Variants in KAT2B observed in about 807,000 individuals in gnomAD.
The protein encoded by KAT2B is histone acetyltransferase KAT2B.
In KAT2B, 36 loss-of-function variants were observed where a neutral mutation model predicts 105.9. The ratio of observed to expected loss-of-function variants is 0.34; its 90% CI spans 0.26 to 0.45. The LOEUF (loss-of-function observed/expected upper bound fraction) is 0.45. Ranked by LOEUF, KAT2B falls within the 20% of genes least tolerant of loss-of-function variation. The probability of loss-of-function intolerance (pLI) is 1.00; values close to 1 mark genes in which losing one functional copy is unlikely to be tolerated. For missense variants in KAT2B, 820 were observed against 1,021.6 expected (o/e 0.80, Z 2.69); for synonymous variants, 397 against 377.9 (o/e 1.05, Z -0.59).
intron 7 of KAT2B, among the ~76,000 whole-genome samples, chr3:20,117,059 C>T (rs1352357043): frequency 6.6e-6 from 1 of 152,078 alleles, no homozygotes; most frequent in African/African-American, 2.4e-5. Flanking sequence ...ACATAGTTCT[C>T]CTGTGGTGGG....
At chr3:20,095,145 A>G in intron 2 of KAT2B, 118 bp from the exon 3 acceptor site, 1 of 748,608 alleles carries the variant, frequency 1.3e-6, no homozygotes, top group Non-Finnish European at 2.2e-6. Context: ...TTCTCTTATT[A>G]CCAGTGAACT....
chr3:20,051,729 A>G (rs1400862066), intron 1 of KAT2B, among the ~76,000 whole-genome samples: 1 of 152,240 alleles, frequency 6.6e-6, no homozygotes, highest in Non-Finnish European at 1.5e-5. Context: ...AAGATTTTTC[A>G]TAACAACTGT....
chr3:20,088,116 G>A (rs1252077358), intron 2 of KAT2B, among the ~76,000 whole-genome samples: 2 of 152,104 alleles, frequency 1.3e-5, no homozygotes, highest in African/African-American at 2.4e-5. Context: ...ATTTGATTGT[G>A]TTCATATACT....
chr3:20,051,192 T>A lies in KAT2B; in HGVS notation c.303+10412T>A, dbSNP rs1477198163. Among the ~76,000 whole-genome samples the A allele has an allele frequency of 6.9e-5, 8 of 116,748 alleles. No individual in the cohort carries two copies. In the East Asian group the frequency reaches 2.1e-3, roughly 31 times the overall value. The allele number at this position is 116,748 out of a possible 152,430, so 76.6% of individuals were successfully genotyped here. On this transcript the variant is annotated intron_variant, in intron 1 of 17. Transcript: ENST00000263754. ...TGTAGCCTGGGTGACAGAGCAATAC[T>A]CTGTCTCAAAAAAAAAAAAAAACCC...
At chr3:20,114,615 C>T (rs538245404) in intron 6 of KAT2B, among the ~76,000 whole-genome samples, 11 of 152,282 alleles carry the variant, frequency 7.2e-5, no homozygotes, top group Non-Finnish European at 1.6e-4. Flanking sequence ...AAGATTAATG[C>T]ATTTCTACTG....
intron 5 of KAT2B, among the ~76,000 whole-genome samples, chr3:20,109,437 C>T (rs1380467105): frequency 6.6e-6 from 1 of 152,190 alleles, no homozygotes; most frequent in East Asian, 1.9e-4. Context: ...CCTCCTCAGC[C>T]TCCCAAGTAG....
chr3:20,149,340 T>C (rs1266798230), intron 17 of KAT2B, among the ~76,000 whole-genome samples: 1 of 150,488 alleles, frequency 6.6e-6, no homozygotes, highest in African/African-American at 2.5e-5. Flanking sequence ...CTACAAAAAG[T>C]AAAAAATTAG....
At chr3:20,096,222 C>T (rs748014311) in intron 3 of KAT2B, among the ~76,000 whole-genome samples, 1 of 152,116 alleles carries the variant, frequency 6.6e-6, no homozygotes, top group Non-Finnish European at 1.5e-5. Flanking sequence ...GCCACTGTTA[C>T]CTGTTTCTCA....
At chr3:20,136,285 A>G (rs1320351709) in intron 11 of KAT2B, among the ~76,000 whole-genome samples, 10 of 152,224 alleles carry the variant, frequency 6.6e-5, no homozygotes, top group Admixed American at 6.5e-4. Flanking sequence ...AAAAAACTTG[A>G]TATTATAAAA....
intron 8 of KAT2B, among the ~76,000 whole-genome samples, chr3:20,121,945 GT>G (rs1324499669): frequency 6.6e-6 from 1 of 151,904 alleles, no homozygotes; most frequent in East Asian, 1.9e-4. Flanking sequence ...TTTGGGGTTG[GT>G]TTATTACATA....
chr3:20,126,934 A>T (rs1386733677), intron 10 of KAT2B, among the ~76,000 whole-genome samples: 3 of 152,150 alleles, frequency 2.0e-5, no homozygotes, highest in Non-Finnish European at 4.4e-5. Flanking sequence ...CATGCCTGTG[A>T]CAATTCAGAG....
chr3:20,151,872 T>A (rs1699874721), intron 17 of KAT2B, among the ~76,000 whole-genome samples: 1 of 152,206 alleles, frequency 6.6e-6, no homozygotes, highest in Non-Finnish European at 1.5e-5. Flanking sequence ...TTTCTCTATA[T>A]GACACCAAAA....
chr3:20,097,521 A>G (rs1698831652), intron 3 of KAT2B, among the ~76,000 whole-genome samples: 1 of 130,540 alleles, frequency 7.7e-6, no homozygotes, highest in Non-Finnish European at 1.6e-5. Flanking sequence ...AACAAAAATA[A>G]TGATTAAAAT....
chr3:20,082,157 C>T (rs1309702055), intron 2 of KAT2B, among the ~76,000 whole-genome samples: 1 of 151,996 alleles, frequency 6.6e-6, no homozygotes, highest in Non-Finnish European at 1.5e-5. Context: ...GCCTCAGCCT[C>T]CCAAGTAGCT....
chr3:20,143,613 C>T (rs889278795), intron 13 of KAT2B, among the ~76,000 whole-genome samples: 2 of 152,032 alleles, frequency 1.3e-5, no homozygotes, highest in Non-Finnish European at 2.9e-5. Flanking sequence ...TTCACAATAA[C>T]AAAGACATGA....
At chr3:20,046,009 AG>A (rs766031840) in intron 1 of KAT2B, among the ~76,000 whole-genome samples, 16 of 152,364 alleles carry the variant, frequency 1.1e-4, no homozygotes, top group South Asian at 1.0e-3. Context: ...TCTTAGGCAC[AG>A]GTCACTTAGT....
At chr3:20,043,544 AGT>A (rs901404012) in intron 1 of KAT2B, among the ~76,000 whole-genome samples, 1 of 151,932 alleles carries the variant, frequency 6.6e-6, no homozygotes, top group African/African-American at 2.4e-5. Flanking sequence ...GGCAGGGCAG[AGT>A]GGGGTGGGGT....
Position 20,054,164 on chromosome 3 carries a change from C to T in KAT2B, c.303+13384C>T, listed in dbSNP as rs545120968. On this transcript the variant is annotated intron_variant, in intron 1 of 17. Coordinates refer to ENST00000263754, the MANE Select transcript of KAT2B (RefSeq NM_003884.5). ...TTTTTTTTTGAGACGGTGTCTCGCT[C>T]TGTCACCTAGGCTGCAGTGCAGTGG... is the stretch of plus-strand genomic sequence containing the variant. 7.3e-5 allele frequency among the ~76,000 whole-genome samples: 11 copies of T among 151,214 alleles called. No individual in the cohort carries two copies. The South Asian group carries it at 2.3e-3, about 32-fold the overall frequency.
Position 20,153,209 on chromosome 3 carries a change from A to G in KAT2B, c.*684A>G, listed in dbSNP as rs1356733412. The G allele has an allele frequency of 6.6e-6, 1 of 152,518 alleles. No individual in the cohort carries two copies. Among genetic ancestry groups the G allele is most frequent in the African/African-American group, 2.4e-5 (1 of 41,456 alleles). 9.4% of individuals were successfully genotyped at this position (152,518 alleles called of 1,614,324 possible). A position where few individuals can be genotyped will look rare whatever the true frequency, so the allele number is the denominator to read the frequency against. ...GTCTACTTACAACAAACTTGTTAGT[A>G]CATAACCACTATTTTAATAATTATT... is the stretch of plus-strand genomic sequence containing the variant. On this transcript the variant is annotated 3_prime_UTR_variant, in exon 18 of 18. Transcript: ENST00000263754.
Sources: allele counts gnomAD v4.1 joint callset (sites outside exome capture counted in the v4.1 genomes callset), GRCh38; gene constraint gnomAD v4.1.1; transcripts MANE v1.5; gene names NCBI Gene and HGNC (gene_info 2026-07-23, HGNC 2026-07-21).